The following ZNF536 variants were observed in gnomAD, a reference collection of about 807,000 sequenced individuals.
ZNF536 encodes the protein zinc finger protein 536.
A neutral mutation model predicts 84.5 loss-of-function variants in ZNF536; 13 were observed. That is an observed-to-expected ratio of 0.15 (90% CI 0.10 to 0.24). The LOEUF is 0.24. Ranked by LOEUF, ZNF536 falls within the 10% of genes least tolerant of loss-of-function variation. The probability of loss-of-function intolerance (pLI) is 1.00; values close to 1 mark genes in which losing one functional copy is unlikely to be tolerated. For missense variants in ZNF536, 1,536 were observed against 1,747.5 expected, an observed-to-expected ratio of 0.88 and a Z score of 2.16; for synonymous variants, 811 against 742.5, an observed-to-expected ratio of 1.09 and a Z score of -1.50.
At chr19:30,454,694 G>A (rs911212262) in intron 2 of ZNF536, among the ~76,000 whole-genome samples, 5 of 152,182 alleles carry the variant, frequency 3.3e-5, no homozygotes, top group African/African-American at 1.2e-4. Flanking sequence ...GTCTCTGGCT[G>A]GGGCCAGACC....
intron 1 of ZNF536, among the ~76,000 whole-genome samples, chr19:30,582,048 G>T (rs2046938446): frequency 6.6e-6 from 1 of 152,196 alleles, no homozygotes; most frequent in Admixed American, 6.5e-5. Flanking sequence ...AGGGAAAAAA[G>T]AGAGGTGAGG....
intron 2 of ZNF536, among the ~76,000 whole-genome samples, chr19:30,347,873 G>A (rs992421301): frequency 6.6e-6 from 1 of 152,204 alleles, no homozygotes; most frequent in African/African-American, 2.4e-5. Context: ...ACATTGGAGG[G>A]GAGACAAAGA....
chr19:30,380,593 C>T (rs2048986103), intron 1 of ZNF536, among the ~76,000 whole-genome samples: 1 of 152,192 alleles, frequency 6.6e-6, no homozygotes, highest in South Asian at 2.1e-4. Flanking sequence ...TCAAACTCTG[C>T]AGGAAAACCC....
At chr19:30,613,289 T>C (rs2048166030) in intron 1 of ZNF536, among the ~76,000 whole-genome samples, 1 of 152,196 alleles carries the variant, frequency 6.6e-6, no homozygotes, top group East Asian at 1.9e-4. Context: ...ACAACACGGG[T>C]CCTTTTTCTT....
chr19:30,515,254 C>A (rs889581723), intron 2 of ZNF536, among the ~76,000 whole-genome samples: 3 of 151,898 alleles, frequency 2.0e-5, no homozygotes, highest in Admixed American at 2.0e-4. Context: ...AGAGTGAGAC[C>A]CTGTCTCAAA....
intron 2 of ZNF536, among the ~76,000 whole-genome samples, chr19:30,470,985 G>T (rs1322972884): frequency 4.7e-5 from 6 of 127,108 alleles, no homozygotes; most frequent in African/African-American, 3.8e-5. Context: ...ACTGCGCCCG[G>T]CCTTTTTTTT....
rs2148198870 is a variant in ZNF536 at position 30,444,798 on chromosome 19, T to A, written c.1236T>A (p.Pro412=). The A allele has an allele frequency of 6.2e-7, 1 of 1,613,900 alleles. No individual in the cohort carries two copies. Among genetic ancestry groups the A allele is most frequent in the South Asian group, 1.1e-5 (1 of 91,084 alleles). ...KNKSPSDPEV[P]VPMGGMSQEA... is the part of the protein sequence containing the mutation. ...AGTCCCCCAGCGACCCCGAGGTGCC[T>A]GTGCCCATGGGCGGCATGTCCCAGG... Residue 412 remains proline, a synonymous_variant, in exon 2 of 5, where the codon CCT becomes CCA. Coordinates refer to ENST00000355537, the MANE Select transcript of ZNF536 (RefSeq NM_014717.3).
chr19:30,532,314 A>G (rs550949102), intron 2 of ZNF536, among the ~76,000 whole-genome samples: 36 of 151,764 alleles, frequency 2.4e-4, no homozygotes, highest in Non-Finnish European at 4.3e-4. Flanking sequence ...TATTTTTAGT[A>G]GGGATGGGGT....
intron 1 of ZNF536, among the ~76,000 whole-genome samples, chr19:30,423,599 G>T (rs1411777352): frequency 6.6e-6 from 1 of 152,230 alleles, no homozygotes; most frequent in Non-Finnish European, 1.5e-5. Flanking sequence ...TGAACAAGCA[G>T]TTCCATAGAT....
chr19:30,640,265 A>AG (rs1210998625), intron 1 of ZNF536, among the ~76,000 whole-genome samples: 1 of 151,176 alleles, frequency 6.6e-6, no homozygotes. Context: ...GAAAAAAAAA[A>AG]TTGGTTATAT....
At chr19:30,248,615 T>C (rs1171594538) in intron 1 of ZNF536, among the ~76,000 whole-genome samples, 1 of 152,084 alleles carries the variant, frequency 6.6e-6, no homozygotes, top group Non-Finnish European at 1.5e-5. Context: ...TGAGCATGTG[T>C]GATTGGAAAG....
intron 2 of ZNF536, among the ~76,000 whole-genome samples, chr19:30,337,406 G>A (rs2047416439): frequency 1.3e-5 from 2 of 152,104 alleles, no homozygotes; most frequent in African/African-American, 4.8e-5. Context: ...GCCTTTCCTG[G>A]CCACCTTCCC....
At chr19:30,510,996 C>T (rs1178013709) in intron 2 of ZNF536, among the ~76,000 whole-genome samples, 1 of 152,144 alleles carries the variant, frequency 6.6e-6, no homozygotes, top group African/African-American at 2.4e-5. Flanking sequence ...AGAGGCTGAG[C>T]CCTGGCTGGA....
rs562561874 is a variant in ZNF536 at position 30,566,537 on chromosome 19, C to T, written c.169+17023C>T. Among the ~76,000 whole-genome samples, 18 of 152,344 alleles carry T rather than the reference C, an allele frequency of 1.2e-4. No homozygotes were observed. The East Asian group carries it at 1.3e-3, about 11-fold the overall frequency. ...TTTAAGTATGGGGAAACTGAGGCAC[C>T]GAGCAGCATCTTGTCACACCTAAGA... is the stretch of plus-strand genomic sequence containing the variant. On this transcript the variant is annotated intron_variant, in intron 1 of 1. Transcript: ENST00000592773.
At chr19:30,649,640 C>G (rs35351436) in intron 1 of ZNF536, among the ~76,000 whole-genome samples, 10,798 of 148,750 alleles carry the variant, frequency 0.073, 548 homozygotes, top group Non-Finnish European at 0.098. Context: ...GAAAAAGACA[C>G]AGGAACAGCC....
intron 2 of ZNF536, among the ~76,000 whole-genome samples, chr19:30,527,570 A>C (rs2044639756): frequency 6.6e-6 from 1 of 152,062 alleles, no homozygotes; most frequent in African/African-American, 2.4e-5. Context: ...ATATATGGCC[A>C]CCATAAAATT....
chr19:30,561,813 G>A (rs1031795400), downstream of ZNF536, among the ~76,000 whole-genome samples: 1 of 152,184 alleles, frequency 6.6e-6, no homozygotes, highest in African/African-American at 2.4e-5. Context: ...AAGCCCTCAG[G>A]CAGAATGAAG....
At chr19:30,458,494 C>A (rs1321667338) in intron 2 of ZNF536, among the ~76,000 whole-genome samples, 2 of 130,836 alleles carry the variant, frequency 1.5e-5, no homozygotes, top group Non-Finnish European at 3.1e-5. Context: ...TCTTGTTGCC[C>A]GGGCTGGAGT....
intron 1 of ZNF536, among the ~76,000 whole-genome samples, chr19:30,264,147 G>A (rs1228672290): frequency 6.6e-6 from 1 of 152,184 alleles, no homozygotes; most frequent in East Asian, 1.9e-4. Flanking sequence ...AGCCAATGAA[G>A]CCGGCTGGTG....
Sources: allele counts gnomAD v4.1 joint callset (sites outside exome capture counted in the v4.1 genomes callset), GRCh38; gene constraint gnomAD v4.1.1; transcripts MANE v1.5; gene names NCBI Gene and HGNC (gene_info 2026-07-23, HGNC 2026-07-21).